The following HSD17B3 variants were observed in gnomAD, a reference collection of about 807,000 sequenced individuals.
HSD17B3 encodes the protein 17-beta-hydroxysteroid dehydrogenase type 3.
Under a neutral mutation model 41.1 loss-of-function variants are expected in HSD17B3, and 29 were observed. The ratio of observed to expected loss-of-function variants is 0.71; its 90% confidence interval spans 0.53 to 0.96. HSD17B3 has a LOEUF of 0.96. HSD17B3 is among the 40% of genes least tolerant of loss of function. The pLI is 0.00. For synonymous variants in HSD17B3, 126 were observed against 145.6 expected (o/e 0.87, Z 0.97); for missense variants, 323 against 374.6 (o/e 0.86, Z 1.14).
At chr9:96,282,347 T>C (rs10990208) in intron 2 of HSD17B3, among the ~76,000 whole-genome samples, 73,281 of 152,048 alleles carry the variant, frequency 0.48, 18,538 homozygotes, top group East Asian at 0.66. Context: ...AAGTGTAATG[T>C]CTTTTAGTTC....
chr9:96,260,666 G>A (rs946502947), intron 2 of HSD17B3, among the ~76,000 whole-genome samples: 3 of 152,112 alleles, frequency 2.0e-5, no homozygotes, highest in African/African-American at 7.2e-5. Context: ...TCAGGAGGCT[G>A]AGGCAAGAAA....
At chr9:96,283,257 A>G (rs6479221) in intron 2 of HSD17B3, among the ~76,000 whole-genome samples, 139,020 of 152,018 alleles carry the variant, frequency 0.91, 63,695 homozygotes, top group African/African-American at 0.96. Context: ...CACCTGCCTC[A>G]ATCTCCCAAA....
chr9:96,251,536 T>G (rs1212575433), intron 4 of HSD17B3, 51 bp from the exon 5 acceptor site: 3 of 1,499,694 alleles, frequency 2.0e-6, no homozygotes, highest in Non-Finnish European at 2.8e-6. Flanking sequence ...GGTGGGAGAT[T>G]TTCCCAAAGA....
intron 2 of HSD17B3, among the ~76,000 whole-genome samples, chr9:96,291,862 C>A (rs1413254197): frequency 1.3e-5 from 2 of 152,008 alleles, no homozygotes; most frequent in Middle Eastern, 3.4e-3. Flanking sequence ...GAGGCTGAGG[C>A]AGGAGAATCA....
intron 2 of HSD17B3, among the ~76,000 whole-genome samples, chr9:96,287,832 A>G (rs561400511): frequency 6.6e-6 from 1 of 151,930 alleles, no homozygotes; most frequent in Non-Finnish European, 1.5e-5. Context: ...ACAAAAACTC[A>G]AGTGTCAATA....
chr9:96,264,240 A>G (rs1296227777), intron 2 of HSD17B3, among the ~76,000 whole-genome samples: 1 of 152,184 alleles, frequency 6.6e-6, no homozygotes, highest in Non-Finnish European at 1.5e-5. Flanking sequence ...TGCACACAAA[A>G]CAATAAACAT....
In HSD17B3 at chr9:96,246,647, G is replaced by A. The variant is rs368478576; in HGVS notation, c.490-57C>T. ...AGGAACTAAGTAGCAGTGCAAGGGG[G>A]CGGGATGGAAACAGGGAAGGGAGCG... On this transcript the variant is annotated intron_variant, in intron 6 of 10. Coordinates refer to ENST00000375263, the MANE Select transcript of HSD17B3 (RefSeq NM_000197.2). 138 of 1,521,706 alleles carry A rather than the reference G, an allele frequency of 9.1e-5. No homozygotes were observed. The African/African-American group carries it at 1.8e-3, about 20-fold the overall frequency. The allele number at this position is 1,521,706 out of a possible 1,614,324, so 94.3% of individuals were successfully genotyped here.
At chr9:96,259,926 G>A (rs1587739163) in intron 2 of HSD17B3, among the ~76,000 whole-genome samples, 1 of 152,164 alleles carries the variant, frequency 6.6e-6, no homozygotes, top group African/African-American at 2.4e-5. Context: ...TCTACAAAGA[G>A]TACAGTCTTG....
chr9:96,248,026 T>C (rs1337133792), intron 6 of HSD17B3, among the ~76,000 whole-genome samples: 2 of 152,190 alleles, frequency 1.3e-5, no homozygotes, highest in African/African-American at 2.4e-5. Context: ...CAATATATAA[T>C]TTTTTTAAAC....
Position 96,245,252 on chromosome 9 carries a change from T to G in HSD17B3, c.606+93A>C, listed in dbSNP as rs1836613896. The G allele has an allele frequency of 7.1e-6, 7 of 980,318 alleles. No individual in the cohort carries two copies. The Admixed American group carries it at 1.2e-4, about 17-fold the overall frequency. The allele number at this position is 980,318 out of a possible 1,614,324, so 60.7% of individuals were successfully genotyped here. A position where few individuals can be genotyped will look rare whatever the true frequency, so the allele number is the denominator to read the frequency against. ...ATAAGAGAGCATCTCCAGGTAAACC[T>G]TTCCATCAACTTGCCAGATGATCAA... is the stretch of plus-strand genomic sequence containing the variant. On this transcript the variant is annotated intron_variant, in intron 8 of 10. Coordinates refer to ENST00000375263, the MANE Select transcript of HSD17B3 (RefSeq NM_000197.2).
intron 4 of HSD17B3, 117 bp from the exon 5 acceptor site, chr9:96,251,602 C>T (rs540165769): frequency 8.2e-5 from 76 of 922,134 alleles, no homozygotes; most frequent in South Asian, 1.3e-4. Flanking sequence ...GATTTGGTAA[C>T]GGTGAGGAAA....
At chr9:96,300,445 A>G (rs1827552632) in intron 1 of HSD17B3, among the ~76,000 whole-genome samples, 1 of 142,452 alleles carries the variant, frequency 7.0e-6, no homozygotes. Context: ...GTCTCATGCC[A>G]TATGTGAGTT....
At chr9:96,272,876 G>A (rs1030731068) in intron 2 of HSD17B3, among the ~76,000 whole-genome samples, 4 of 152,054 alleles carry the variant, frequency 2.6e-5, no homozygotes, top group East Asian at 1.9e-4. Context: ...AATTCTACTC[G>A]GCACTAAGAA....
chr9:96,247,535 C>T (rs1383436070), intron 6 of HSD17B3, among the ~76,000 whole-genome samples: 1 of 152,164 alleles, frequency 6.6e-6, no homozygotes, highest in Non-Finnish European at 1.5e-5. Flanking sequence ...GCCAGGGGGC[C>T]AGGGCAGTGG....
chr9:96,241,681 T>G (rs1836443627), intron 9 of HSD17B3, among the ~76,000 whole-genome samples: 1 of 152,100 alleles, frequency 6.6e-6, no homozygotes, highest in South Asian at 2.1e-4. Context: ...ATGCCTGTAA[T>G]CCCAGCATGT....
intron 2 of HSD17B3, among the ~76,000 whole-genome samples, chr9:96,267,962 A>G (rs1384386862): frequency 2.0e-5 from 3 of 151,936 alleles, no homozygotes; most frequent in African/African-American, 4.8e-5. Flanking sequence ...GTCTCACTCT[A>G]TCACCCAGGC....
At chr9:96,276,700 C>T (rs8190522) in intron 2 of HSD17B3, among the ~76,000 whole-genome samples, 41,753 of 151,906 alleles carry the variant, frequency 0.27, 6,668 homozygotes, top group Non-Finnish European at 0.37. Flanking sequence ...ACTAGATATC[C>T]GCATGCAGAA....
At chr9:96,258,015 C>G (rs1237770106) in intron 2 of HSD17B3, among the ~76,000 whole-genome samples, 1 of 152,154 alleles carries the variant, frequency 6.6e-6, no homozygotes, top group African/African-American at 2.4e-5. Flanking sequence ...GCATCATTTG[C>G]TATGTTATGT....
intron 2 of HSD17B3, among the ~76,000 whole-genome samples, chr9:96,280,038 G>T (rs1007933662): frequency 6.6e-6 from 1 of 152,078 alleles, no homozygotes; most frequent in East Asian, 1.9e-4. Flanking sequence ...CAAAGTGCTG[G>T]GACTACAGGC....
Sources: gnomAD v4.1 joint callset for allele counts (sites outside exome capture counted in the v4.1 genomes callset) on GRCh38, gnomAD v4.1.1 for gene constraint, MANE v1.5 for transcripts, NCBI Gene and HGNC (gene_info 2026-07-23, HGNC 2026-07-21) for gene names.